AIG1: variants seen among roughly 807,000 people sequenced by gnomAD.
The protein encoded by AIG1 is androgen induced 1, also known as androgen-induced gene 1 protein.
AIG1 carries 23 observed loss-of-function variants against 31.4 expected under a neutral mutation model. The observed-to-expected ratio is 0.73, with a 90% CI of 0.53 to 1.04. AIG1 has a LOEUF of 1.04. AIG1 is among the 50% of genes least tolerant of loss of function. AIG1 has a pLI of 0.00. For missense variants in AIG1, 274 were observed against 295.0 expected (o/e 0.93, Z 0.52); for synonymous variants, 100 against 110.5 (o/e 0.90, Z 0.60).
chr6:143,244,512 GC>G (rs1490333572), intron 3 of AIG1, among the ~76,000 whole-genome samples: 1 of 152,224 alleles, frequency 6.6e-6, no homozygotes, highest in Non-Finnish European at 1.5e-5. Context: ...CACTGAGTAG[GC>G]TCTGATAACG....
At chr6:143,129,330 C>A (rs73777883) in intron 1 of AIG1, among the ~76,000 whole-genome samples, 131 of 152,144 alleles carry the variant, frequency 8.6e-4, no homozygotes, top group African/African-American at 3.0e-3. Context: ...AGGAAAAAAT[C>A]ATTTTGTAGT....
chr6:143,260,707 T>C (rs1322934944), intron 3 of AIG1, among the ~76,000 whole-genome samples: 1 of 152,240 alleles, frequency 6.6e-6, no homozygotes, highest in Non-Finnish European at 1.5e-5. Flanking sequence ...TATTCCTTTT[T>C]AAGCCCATTT....
intron 1 of AIG1, among the ~76,000 whole-genome samples, chr6:143,095,362 T>C (rs1456825879): frequency 6.6e-6 from 1 of 152,194 alleles, no homozygotes; most frequent in East Asian, 1.9e-4. Context: ...AGGTTAATTG[T>C]CTTTCAGGCA....
At position 143,317,487 on chromosome 6, in the gene AIG1, G is replaced by T. The variant is rs118068749; in HGVS notation, c.516-15795G>T. ...ATTATTAAAACCCTCAGCAAAATTG[G>T]CATTGAAGGGGCATACCTTAATGTA... On this transcript the variant is annotated intron_variant, in intron 4 of 5. Coordinates refer to ENST00000357847, the MANE Select transcript of AIG1 (RefSeq NM_016108.4). 5.7e-4 allele frequency among the ~76,000 whole-genome samples: 87 copies of T among 152,128 alleles called. 1 individual carries two copies. The East Asian group carries it at 0.014, about 25-fold the overall frequency.
chr6:143,311,655 A>G (rs189660700), intron 4 of AIG1, among the ~76,000 whole-genome samples: 6 of 152,064 alleles, frequency 3.9e-5, no homozygotes, highest in African/African-American at 1.4e-4. Context: ...CTATAAATAG[A>G]AGAGAACTCC....
intron 3 of AIG1, among the ~76,000 whole-genome samples, chr6:143,194,397 C>T (rs1004593418): frequency 3.3e-5 from 5 of 152,186 alleles, no homozygotes; most frequent in East Asian, 3.9e-4. Context: ...TCCCTCGACA[C>T]GTAGGGGTTA....
chr6:143,167,337 G>A (rs1787064870), intron 3 of AIG1, among the ~76,000 whole-genome samples: 1 of 152,194 alleles, frequency 6.6e-6, no homozygotes, highest in South Asian at 2.1e-4. Context: ...TCTAATTAGA[G>A]TGTCCAAATT....
At chr6:143,219,243 G>A (rs948327987) in intron 3 of AIG1, among the ~76,000 whole-genome samples, 6 of 152,158 alleles carry the variant, frequency 3.9e-5, no homozygotes, top group African/African-American at 1.2e-4. Context: ...ATGGACCCTA[G>A]CCCCAGGTTG....
chr6:143,237,970 T>C (rs1793935733), intron 3 of AIG1, among the ~76,000 whole-genome samples: 1 of 152,190 alleles, frequency 6.6e-6, no homozygotes, highest in Non-Finnish European at 1.5e-5. Flanking sequence ...AGATGGAATC[T>C]CACTCTGTCA....
At chr6:143,194,904 C>T (rs1583474745) in intron 3 of AIG1, among the ~76,000 whole-genome samples, 1 of 152,144 alleles carries the variant, frequency 6.6e-6, no homozygotes, top group Non-Finnish European at 1.5e-5. Context: ...AGGGAGAAGC[C>T]CCATTGTGAG....
intron 1 of AIG1, among the ~76,000 whole-genome samples, chr6:143,128,298 A>C (rs2128508884): frequency 6.6e-6 from 1 of 152,356 alleles, no homozygotes; most frequent in Non-Finnish European, 1.5e-5. Context: ...TGATTTCCTG[A>C]CAGGGAGAGT....
At chr6:143,313,131 T>C (rs1196810680) in intron 4 of AIG1, among the ~76,000 whole-genome samples, 1 of 152,148 alleles carries the variant, frequency 6.6e-6, no homozygotes, top group Non-Finnish European at 1.5e-5. Context: ...ACAGCCACTA[T>C]GGAAAACAGT....
intron 3 of AIG1, among the ~76,000 whole-genome samples, chr6:143,260,259 C>T (rs987628586): frequency 9.2e-5 from 14 of 152,018 alleles, no homozygotes; most frequent in African/African-American, 1.7e-4. Context: ...GATCCGCCCG[C>T]GTCGGCCTCC....
intron 4 of AIG1, among the ~76,000 whole-genome samples, chr6:143,300,520 C>A (rs1034034028): frequency 6.6e-5 from 10 of 152,084 alleles, no homozygotes; most frequent in South Asian, 4.2e-4. Flanking sequence ...TTAGAGATAA[C>A]CCCTGATAGA....
At position 143,312,326 on chromosome 6, in the gene AIG1, T is replaced by C. The variant is rs543820561; in HGVS notation, c.516-20956T>C. Among the ~76,000 whole-genome samples, 681 of 152,062 alleles carry C rather than the reference T, an allele frequency of 4.5e-3. 2 individuals are homozygous for C. The highest frequency in any genetic ancestry group is 0.015 in the African/African-American group (641 of 41,528). On this transcript the variant is annotated intron_variant, in intron 4 of 5. Transcript: ENST00000357847. ...CTTCAAATTATACTACAGAGATATA[T>C]TAATGAAAACAGCATAGTACTGGCA...
At chr6:143,261,090 G>A (rs978587390) in intron 3 of AIG1, among the ~76,000 whole-genome samples, 6 of 152,134 alleles carry the variant, frequency 3.9e-5, no homozygotes, top group African/African-American at 1.2e-4. Flanking sequence ...AACATCTGAT[G>A]TTGCAGAGGA....
At chr6:143,137,389 A>C (rs1235289184) in intron 2 of AIG1, among the ~76,000 whole-genome samples, 1 of 152,236 alleles carries the variant, frequency 6.6e-6, no homozygotes, top group Non-Finnish European at 1.5e-5. Context: ...TGAGAAACCC[A>C]GTCTCCAAAT....
At chr6:143,190,424 G>A in intron 3 of AIG1, 4 of 985,380 alleles carry the variant, frequency 4.1e-6, no homozygotes, top group Non-Finnish European at 4.8e-6. Flanking sequence ...TTATCTTTTG[G>A]TGTAAACATT....
intron 5 of AIG1, chr6:143,335,203 A>G (rs914790404): frequency 4.0e-5 from 49 of 1,216,166 alleles, no homozygotes; most frequent in Non-Finnish European, 5.1e-5. Flanking sequence ...TTAGGCCTAC[A>G]TCGTGGAATT....
Sources: gnomAD v4.1 joint callset for allele counts (sites outside exome capture counted in the v4.1 genomes callset) on GRCh38, gnomAD v4.1.1 for gene constraint, MANE v1.5 for transcripts, NCBI Gene and HGNC (gene_info 2026-07-23, HGNC 2026-07-21) for gene names.